The following TRIM33 variants were observed in gnomAD, a reference collection of about 807,000 sequenced individuals.
The protein encoded by TRIM33 is tripartite motif containing 33.
A neutral mutation model predicts 125.4 loss-of-function variants in TRIM33; 20 were observed. That is an observed-to-expected ratio of 0.16 (90% CI 0.11 to 0.23). TRIM33 has a LOEUF of 0.23. TRIM33 is among the 10% of genes least tolerant of loss of function. The pLI is 1.00. For missense variants in TRIM33, 920 were observed against 1,411.4 expected (o/e 0.65, Z 5.58); for synonymous variants, 564 against 513.9 (o/e 1.10, Z -1.32).
chr1:114,461,216 AT>A (rs373436699), intron 4 of TRIM33, among the ~76,000 whole-genome samples: 32,982 of 85,268 alleles, frequency 0.39, 4,135 homozygotes, highest in South Asian at 0.48. Context: ...GTCTTTAAAA[AT>A]ATATATATAT....
Position 114,408,728 on chromosome 1 carries a change from G to C in TRIM33, c.2207C>G (p.Ser736Cys). The change falls in exon 13 of 20, where the codon TCT becomes TGT. Residue 736 changes from serine (S) to cysteine (C), a missense_variant. Ser to Cys is a moderately radical substitution (Grantham distance 112, BLOSUM62 -1). Around this residue, in one of 8 missense-constraint regions of TRIM33, gnomAD observed 407 missense variants for 589.7 expected, o/e 0.69. Coordinates refer to ENST00000358465, the MANE Select transcript of TRIM33 (RefSeq NM_015906.4). Reference protein sequence around the residue: ...LSPGSSGLSNSHTPVRPPSTS... With the variant: ...LSPGSSGLSNCHTPVRPPSTS... Reference sequence around the variant, plus strand: ...ACTTGGGGGTCTCACAGGTGTGTGAGAATTGGATAAACCTAAAAAGTAGTA... The same window carrying C: ...ACTTGGGGGTCTCACAGGTGTGTGACAATTGGATAAACCTAAAAAGTAGTA... 1 of 1,602,188 alleles carries C rather than the reference G, an allele frequency of 6.2e-7. No individual in the cohort carries two copies. The highest frequency in any genetic ancestry group is 8.5e-7 in the Non-Finnish European group (1 of 1,172,976).
Position 114,397,589 on chromosome 1 carries a change from GTTTTTTTTTTTTTTTTCGT to G in TRIM33, c.*40_*58del. 2 of 637,684 alleles carry G rather than the reference GTTTTTTTTTTTTTTTTCGT, an allele frequency of 3.1e-6. No homozygotes were observed. The highest frequency in any genetic ancestry group is 2.8e-5 in the African/African-American group (1 of 35,666). 39.5% of individuals were successfully genotyped at this position (637,684 alleles called of 1,614,324 possible). On this transcript the variant is annotated 3_prime_UTR_variant, in exon 20 of 20. Transcript: ENST00000358465. ...CTTAAAAGTTTTCTGGGTTTTTTGT[GTTTTTTTTTTTTTTTTCGT>G]TTTTTTTTTTTTAAACAATTGATTT...
At chr1:114,486,920 CT>C (rs1202271329) in intron 1 of TRIM33, among the ~76,000 whole-genome samples, 1 of 151,908 alleles carries the variant, frequency 6.6e-6, no homozygotes, top group Non-Finnish European at 1.5e-5. Flanking sequence ...AACCCTATCT[CT>C]ACTAAAAATA....
chr1:114,429,934 G>T (rs1647835539), intron 6 of TRIM33, among the ~76,000 whole-genome samples: 1 of 151,992 alleles, frequency 6.6e-6, no homozygotes, highest in South Asian at 2.1e-4. Flanking sequence ...TAGATTTCAT[G>T]AACTGACTAG....
chr1:114,444,783 A>C (rs1439597415), intron 4 of TRIM33, among the ~76,000 whole-genome samples: 1 of 152,240 alleles, frequency 6.6e-6, no homozygotes, highest in African/African-American at 2.4e-5. Flanking sequence ...ACAATAAAAA[A>C]TTATCAGGCA....
chr1:114,426,428 C>T (rs1423995011), intron 8 of TRIM33, among the ~76,000 whole-genome samples: 2 of 151,222 alleles, frequency 1.3e-5, no homozygotes, highest in African/African-American at 4.9e-5. Flanking sequence ...CTACGTCACA[C>T]AAAAACAGCT....
chr1:114,424,443 G>A (rs888316488), intron 10 of TRIM33, 148 bp downstream of exon 10: 1 of 591,174 alleles, frequency 1.7e-6, no homozygotes. Context: ...AATCTCATGT[G>A]TATGTTTATT....
chr1:114,487,339 C>CAAAAAAAAAA (rs35231757), intron 1 of TRIM33, among the ~76,000 whole-genome samples: 1 of 58,468 alleles, frequency 1.7e-5, no homozygotes, highest in Non-Finnish European at 3.5e-5. Context: ...CCATGCAGGC[C>CAAAAAAAAAA]AAAAAAAAAA....
chr1:114,510,678 C>T lies in TRIM33; in HGVS notation c.399G>A (p.Gln133=). 1 of 1,547,878 alleles carries T rather than the reference C, an allele frequency of 6.5e-7. No individual in the cohort carries two copies. Among genetic ancestry groups the T allele is most frequent in the Non-Finnish European group, 8.7e-7 (1 of 1,152,734 alleles). ...GCTTGGGCTCCGCCTCACGCCGGCT[C>T]TGCAAGCTCTGCTGACACACGGCGC... ...DTCAVCQQSL[Q]SRREAEPKLL... is the part of the protein sequence containing the mutation. Residue 133 remains glutamine (Q), a synonymous_variant, in exon 1 of 20, where the codon CAG becomes CAA. Coordinates refer to ENST00000358465, the MANE Select transcript of TRIM33 (RefSeq NM_015906.4).
intron 4 of TRIM33, among the ~76,000 whole-genome samples, chr1:114,438,484 C>T (rs573374250): frequency 8.9e-4 from 135 of 152,320 alleles, no homozygotes; most frequent in African/African-American, 3.1e-3. Context: ...AAACTCCAAA[C>T]ATCATACTTT....
At chr1:114,401,565 C>A in intron 16 of TRIM33, 102 bp from the exon 17 acceptor site, 1 of 891,866 alleles carries the variant, frequency 1.1e-6, no homozygotes, top group Non-Finnish European at 1.7e-6. Flanking sequence ...TTACAACAAA[C>A]TGAACACAAG....
At chr1:114,439,565 T>C (rs1199873365) in intron 4 of TRIM33, among the ~76,000 whole-genome samples, 2 of 146,036 alleles carry the variant, frequency 1.4e-5, no homozygotes, top group Non-Finnish European at 3.0e-5. Context: ...CAGTGAAAAG[T>C]CATTAGTACA....
chr1:114,442,742 C>G (rs561905707), intron 4 of TRIM33, among the ~76,000 whole-genome samples: 1 of 141,196 alleles, frequency 7.1e-6, no homozygotes, highest in African/African-American at 2.6e-5. Context: ...GAAGAATTTA[C>G]GGAAGAACTA....
intron 1 of TRIM33, among the ~76,000 whole-genome samples, chr1:114,504,353 A>T (rs1011970750): frequency 6.6e-6 from 1 of 151,902 alleles, no homozygotes; most frequent in Admixed American, 6.6e-5. Context: ...TTTTTTGTAG[A>T]CACAGGGTTT....
chr1:114,489,041 C>A (rs1651890583), intron 1 of TRIM33, among the ~76,000 whole-genome samples: 2 of 152,044 alleles, frequency 1.3e-5, no homozygotes, highest in African/African-American at 4.8e-5. Context: ...CAGAGTGAGA[C>A]CCTGTTTTTG....
At chr1:114,467,867 T>C (rs1572091157) in intron 1 of TRIM33, among the ~76,000 whole-genome samples, 5 of 152,338 alleles carry the variant, frequency 3.3e-5, no homozygotes, top group African/African-American at 1.2e-4. Flanking sequence ...GCTTTGGTCA[T>C]CAACACCACT....
chr1:114,489,576 T>A (rs1360684964), intron 1 of TRIM33, among the ~76,000 whole-genome samples: 4 of 151,554 alleles, frequency 2.6e-5, no homozygotes. Flanking sequence ...AAATCCTGTC[T>A]CTACAAAAAA....
At position 114,395,360 on chromosome 1, in the gene TRIM33, AT is replaced by A. The variant is rs1651487940; in HGVS notation, c.*2287del. On this transcript the variant is annotated 3_prime_UTR_variant, in exon 20 of 20. Coordinates refer to ENST00000358465, the MANE Select transcript of TRIM33 (RefSeq NM_015906.4). ...ACCTAAAAACTCTATCTAACATGTA[AT>A]TTTAAGGAAACACAATTATTTTTTA... 3 of 202,268 alleles carry A rather than the reference AT, an allele frequency of 1.5e-5. No individual in the cohort carries two copies. The South Asian group carries it at 5.7e-4, about 38-fold the overall frequency. 12.5% of individuals were successfully genotyped at this position (202,268 alleles called of 1,614,324 possible). A position where few individuals can be genotyped will look rare whatever the true frequency, so the allele number is the denominator to read the frequency against.
At chr1:114,402,468 A>C (rs1041268573) in intron 16 of TRIM33, among the ~76,000 whole-genome samples, 4 of 152,072 alleles carry the variant, frequency 2.6e-5, no homozygotes, top group African/African-American at 4.8e-5. Context: ...ATACTGGGGG[A>C]GGAATACAGT....
Sources: gnomAD v4.1 joint callset for allele counts (sites outside exome capture counted in the v4.1 genomes callset) on GRCh38, gnomAD v4.1.1 for gene constraint, gnomAD v4.1.1 regional missense constraint, MANE v1.5 for transcripts, NCBI Gene and HGNC (gene_info 2026-07-23, HGNC 2026-07-21) for gene names.